Variants in GPR26 observed in about 807,000 individuals in gnomAD.
The protein encoded by GPR26 is G protein-coupled receptor 26.
A neutral mutation model predicts 23.1 loss-of-function variants in GPR26; 15 were observed. The observed-to-expected ratio is 0.65, with a 90% CI of 0.43 to 1.00. The LOEUF (loss-of-function observed/expected upper bound fraction) is 1.00, where lower values mean the gene tolerates loss of function less well. GPR26 is among the 50% of genes least tolerant of loss of function. The probability of loss-of-function intolerance (pLI) is 0.00; values close to 1 mark genes in which losing one functional copy is unlikely to be tolerated. For missense variants in GPR26, 359 were observed against 470.5 expected, an observed-to-expected ratio of 0.76 and a Z score of 2.19; for synonymous variants, 228 against 222.1, an observed-to-expected ratio of 1.03 and a Z score of -0.24.
chr10:123,671,431 A>T lies in GPR26; in HGVS notation c.669-3387A>T, dbSNP rs115688645. 6.1e-3 allele frequency among the ~76,000 whole-genome samples: 933 copies of T among 151,916 alleles called. 18 individuals carry two copies. The highest frequency in any genetic ancestry group is 0.021 in the African/African-American group (888 of 41,396). Reference sequence around the variant, plus strand: ...CAGCCACACCAACACACATGCTCGCACTCTGGCTGAACAGTACCTGTCACA... The same window carrying T: ...CAGCCACACCAACACACATGCTCGCTCTCTGGCTGAACAGTACCTGTCACA... On this transcript the variant is annotated intron_variant, in intron 1 of 2. Coordinates refer to ENST00000284674, the MANE Select transcript of GPR26 (RefSeq NM_153442.4).
At chr10:123,677,925 A>T (rs889527214) in intron 2 of GPR26, among the ~76,000 whole-genome samples, 2 of 152,152 alleles carry the variant, frequency 1.3e-5, no homozygotes, top group African/African-American at 4.8e-5. Flanking sequence ...TCTGAGACTT[A>T]GCATGACACA....
At chr10:123,675,936 G>A (rs1480924796) in intron 2 of GPR26, among the ~76,000 whole-genome samples, 1 of 151,664 alleles carries the variant, frequency 6.6e-6, no homozygotes, top group Non-Finnish European at 1.5e-5. Context: ...GGAACCAGGA[G>A]GGGCACCCCT....
At position 123,690,431 on chromosome 10, in the gene GPR26, C is replaced by G. The variant is rs1845479693; in HGVS notation, c.*2271C>G. ...GTGGCACATGCTCTTTCTGCTTTCT[C>G]TGTACTGTATAGGCAACATGTTGTA... is the stretch of plus-strand genomic sequence containing the variant. On this transcript the variant is annotated 3_prime_UTR_variant, in exon 3 of 3. Coordinates refer to ENST00000284674, the MANE Select transcript of GPR26 (RefSeq NM_153442.4). The G allele has an allele frequency of 6.6e-6, 1 of 152,232 alleles. No individual in the cohort carries two copies. Among genetic ancestry groups the G allele is most frequent in the Admixed American group, 6.5e-5 (1 of 15,282 alleles). 9.4% of individuals were successfully genotyped at this position (152,232 alleles called of 1,614,324 possible).
At chr10:123,672,441 G>C (rs1030280178) in intron 1 of GPR26, among the ~76,000 whole-genome samples, 2 of 152,124 alleles carry the variant, frequency 1.3e-5, no homozygotes, top group African/African-American at 4.8e-5. Flanking sequence ...TGGCAGGCCC[G>C]GTGCCATTAA....
At chr10:123,675,833 C>CGTGTGTGTGTGTGTGTGT (rs56201657) in intron 2 of GPR26, among the ~76,000 whole-genome samples, 13,152 of 133,900 alleles carry the variant, frequency 0.098, 979 homozygotes, top group Non-Finnish European at 0.12. Flanking sequence ...TGTGTGTGTA[C>CGTGTGTGTGTGTGTGTGT]GTGTGTGTGT....
At position 123,690,814 on chromosome 10, in the gene GPR26, T is replaced by C. The variant is rs1054476947; in HGVS notation, c.*2654T>C. 6.6e-6 allele frequency: 1 copy of C among 152,222 alleles called. No individual in the cohort carries two copies. Among genetic ancestry groups the C allele is most frequent in the Non-Finnish European group, 1.5e-5 (1 of 68,038 alleles). 9.4% of individuals were successfully genotyped at this position (152,222 alleles called of 1,614,324 possible). A position where few individuals can be genotyped will look rare whatever the true frequency, so the allele number is the denominator to read the frequency against. The stretch of plus-strand genomic sequence containing the variant: ...ATTACTCCCAATTGAATTATCTACC[T>C]CATTTTGTTAATTTAATTTATCAAA... On this transcript the variant is annotated 3_prime_UTR_variant, in exon 3 of 3. Transcript: ENST00000284674.
At chr10:123,670,958 T>TC (rs759860436) in intron 1 of GPR26, among the ~76,000 whole-genome samples, 29 of 152,144 alleles carry the variant, frequency 1.9e-4, no homozygotes, top group Admixed American at 3.9e-4. Context: ...GAGGGACTCT[T>TC]AATGTGCAGG....
intron 2 of GPR26, among the ~76,000 whole-genome samples, chr10:123,685,631 G>A (rs1295098949): frequency 1.3e-5 from 2 of 152,244 alleles, no homozygotes; most frequent in African/African-American, 4.8e-5. Context: ...TGTGCACAGT[G>A]TGGACGGGCA....
At chr10:123,676,269 C>A (rs1845309166) in intron 2 of GPR26, among the ~76,000 whole-genome samples, 1 of 152,166 alleles carries the variant, frequency 6.6e-6, no homozygotes, top group African/African-American at 2.4e-5. Context: ...GCGTGTGTCT[C>A]ATTTTGAACG....
In GPR26 at chr10:123,666,889, G is replaced by A; in HGVS notation, c.482G>A (p.Arg161Gln). 4 of 1,612,096 alleles carry A rather than the reference G, an allele frequency of 2.5e-6. No individual in the cohort carries two copies. Among genetic ancestry groups the A allele is most frequent in the African/African-American group, 1.3e-5 (1 of 75,040 alleles). ...QLYASCTLCS[R>Q]RPDERLRFAV... ...TACGCCTCGTGCACGCTGTGCAGCCGGCGGCCAGACGAGCGCCTGCGCTTC... is the reference window on the plus strand; with the variant it reads ...TACGCCTCGTGCACGCTGTGCAGCCAGCGGCCAGACGAGCGCCTGCGCTTC... The change falls in exon 1 of 3, where the codon CGG becomes CAG. Residue 161 changes from arginine to glutamine, a missense_variant. Arg to Gln is a conservative substitution (Grantham distance 43). Transcript: ENST00000284674.
chr10:123,667,276 C>T (rs1845198176), intron 1 of GPR26, among the ~76,000 whole-genome samples: 1 of 152,164 alleles, frequency 6.6e-6, no homozygotes, highest in South Asian at 2.1e-4. Context: ...TGCGGGTGAG[C>T]CCATCTATAC....
At chr10:123,676,655 C>G (rs895371398) in intron 2 of GPR26, among the ~76,000 whole-genome samples, 1 of 152,220 alleles carries the variant, frequency 6.6e-6, no homozygotes, top group African/African-American at 2.4e-5. Context: ...GGGTTTTCCA[C>G]AAGACACAAA....
chr10:123,682,197 T>C (rs1845385343), intron 2 of GPR26, among the ~76,000 whole-genome samples: 1 of 152,194 alleles, frequency 6.6e-6, no homozygotes, highest in African/African-American at 2.4e-5. Flanking sequence ...TGAGTTTCTC[T>C]AGCAAAATTG....
At chr10:123,685,903 A>G (rs1469133163) in intron 2 of GPR26, among the ~76,000 whole-genome samples, 2 of 152,192 alleles carry the variant, frequency 1.3e-5, no homozygotes, top group African/African-American at 4.8e-5. Context: ...GGATAATTGT[A>G]CGGTTAGAGA....
chr10:123,667,097 C>G, intron 1 of GPR26, 22 bp downstream of exon 1: 1 of 1,538,238 alleles, frequency 6.5e-7, no homozygotes, highest in South Asian at 1.2e-5. Context: ...GCAGCTAAGG[C>G]TCTGGGAACA....
chr10:123,682,389 C>A (rs1554864441), intron 2 of GPR26, among the ~76,000 whole-genome samples: 1 of 152,186 alleles, frequency 6.6e-6, no homozygotes, highest in Non-Finnish European at 1.5e-5. Context: ...TGTACTGGGG[C>A]ACACGAGGCC....
intron 2 of GPR26, among the ~76,000 whole-genome samples, chr10:123,682,612 G>A (rs1845389989): frequency 6.6e-6 from 1 of 152,200 alleles, no homozygotes; most frequent in Admixed American, 6.5e-5. Context: ...CACATGTCTG[G>A]AAGCATTTGT....
At chr10:123,677,795 C>A (rs1386217368) in intron 2 of GPR26, among the ~76,000 whole-genome samples, 1 of 152,190 alleles carries the variant, frequency 6.6e-6, no homozygotes, top group South Asian at 2.1e-4. Context: ...GAAGGGACAG[C>A]ATGAGCCAGG....
chr10:123,667,176 T>C (rs1845197388), intron 1 of GPR26, 101 bp downstream of exon 1: 1 of 912,718 alleles, frequency 1.1e-6, no homozygotes, highest in Admixed American at 2.9e-5. Context: ...GAGCCTCTGT[T>C]TCTTCTGAGA....
Sources: gnomAD v4.1 joint callset for allele counts (sites outside exome capture counted in the v4.1 genomes callset) on GRCh38, gnomAD v4.1.1 for gene constraint, MANE v1.5 for transcripts, NCBI Gene and HGNC (gene_info 2026-07-23, HGNC 2026-07-21) for gene names.